CEP164: variants seen among roughly 807,000 people sequenced by gnomAD.
CEP164 encodes centrosomal protein of 164 kDa.
CEP164 carries 162 observed loss-of-function variants against 182.7 expected under a neutral mutation model. That is an observed-to-expected ratio of 0.89 (90% confidence interval 0.78 to 1.01). The LOEUF (loss-of-function observed/expected upper bound fraction) is 1.01. Ranked by LOEUF, CEP164 falls within the 50% of genes least tolerant of loss-of-function variation. CEP164 has a pLI of 0.00. For synonymous variants in CEP164, 661 were observed against 690.0 expected, an observed-to-expected ratio of 0.96 and a Z score of 0.66; for missense variants, 1,735 against 1,790.4, an observed-to-expected ratio of 0.97 and a Z score of 0.56.
intron 27 of CEP164, among the ~76,000 whole-genome samples, chr11:117,403,168 A>C (rs542808777): frequency 6.6e-6 from 1 of 152,340 alleles, no homozygotes; most frequent in Admixed American, 6.5e-5. Flanking sequence ...GCCTGTTTAC[A>C]TTCAAGGCTA....
In CEP164 at chr11:117,358,540, C is replaced by CTTTTT. The variant is rs71961009; in HGVS notation, c.394-3281_394-3277dup. Among the ~76,000 whole-genome samples the CTTTTT allele has an allele frequency of 1.0e-4, 13 of 129,128 alleles. No individual in the cohort carries two copies. The East Asian group carries it at 2.0e-3, about 20-fold the overall frequency. The allele number at this position is 129,128 out of a possible 152,430, so 84.7% of individuals were successfully genotyped here. On this transcript the variant is annotated intron_variant, in intron 5 of 32. Transcript: ENST00000278935. ...TCTTGGGCTCTTCCCCTCCCCCGGCCTTTTTTTTTTTTTTTTTTAAGAGAC... is the reference window on the plus strand; with the variant it reads ...TCTTGGGCTCTTCCCCTCCCCCGGCCTTTTTTTTTTTTTTTTTTTTTTTAAGAGAC...
intron 4 of CEP164, among the ~76,000 whole-genome samples, chr11:117,346,986 A>T (rs1199301392): frequency 6.6e-6 from 1 of 152,106 alleles, no homozygotes; most frequent in African/African-American, 2.4e-5. Context: ...AATTCTCTCT[A>T]GACTCTTTTA....
intron 5 of CEP164, among the ~76,000 whole-genome samples, chr11:117,352,425 G>A (rs2039759193): frequency 6.6e-6 from 1 of 152,092 alleles, no homozygotes; most frequent in African/African-American, 2.4e-5. Context: ...TCTTAAAGTG[G>A]TGTGAATTCC....
intron 17 of CEP164, 78 bp downstream of exon 17, chr11:117,391,293 A>C: frequency 7.2e-7 from 1 of 1,398,408 alleles, no homozygotes; most frequent in Non-Finnish European, 9.8e-7. Flanking sequence ...CACAAGGAGA[A>C]GAAGGGCAAG....
In CEP164 at chr11:117,409,794, AC is replaced by A; in HGVS notation, c.3930del (p.Thr1311ProfsTer102). On this transcript the variant is annotated frameshift_variant, in exon 30 of 33. Coordinates refer to ENST00000278935, the MANE Select transcript of CEP164 (RefSeq NM_014956.5). LOFTEE classifies it high-confidence loss of function. This position sits in a 1 kb window ranked among gnomAD's most constrained non-coding sequence, Gnocchi z 4.4. Reference sequence around the variant, plus strand: ...GCTCCCTCCCCGGGACCCTAAGAGCACCCCCACCCCCACCTACTATGGCTCC... The same window carrying A: ...GCTCCCTCCCCGGGACCCTAAGAGCACCCCACCCCCACCTACTATGGCTCC... ...AQLPPRDPKS[T>X]PTPTYYGSLA... The A allele has an allele frequency of 1.9e-6, 3 of 1,599,300 alleles. No homozygotes were observed. The highest frequency in any genetic ancestry group is 2.2e-5 in the South Asian group (2 of 90,506).
In CEP164 at chr11:117,409,561, A is replaced by C. The variant is rs1483876830; in HGVS notation, c.3749-57A>C. 1 of 1,479,440 alleles carries C rather than the reference A, an allele frequency of 6.8e-7. No homozygotes were observed. Among genetic ancestry groups the C allele is most frequent in the Non-Finnish European group, 9.2e-7 (1 of 1,085,740 alleles). The allele number at this position is 1,479,440 out of a possible 1,614,324, so 91.6% of individuals were successfully genotyped here. On this transcript the variant is annotated intron_variant, in intron 29 of 32. Coordinates refer to ENST00000278935, the MANE Select transcript of CEP164 (RefSeq NM_014956.5). The surrounding 1 kb of genome is among the most constrained non-coding windows in gnomAD (Gnocchi z 4.4). ...GTCCTCCATGACAGCTGTGTCTGGG[A>C]ATGGTCCAGGGTCCTGAGCTTGAGT...
intron 3 of CEP164, among the ~76,000 whole-genome samples, chr11:117,340,140 C>CT (rs559541261): frequency 5.9e-5 from 9 of 152,206 alleles, no homozygotes; most frequent in Non-Finnish European, 8.8e-5. Context: ...AATCTCCTGC[C>CT]TTAGCCTCCC....
intron 1 of CEP164, among the ~76,000 whole-genome samples, chr11:117,322,109 C>T (rs754756086): frequency 2.3e-4 from 35 of 151,996 alleles, no homozygotes; most frequent in Non-Finnish European, 2.8e-4. Context: ...AGCATGACCA[C>T]CACTTTATTT....
chr11:117,380,312 TTC>T (rs1055416905), intron 11 of CEP164, among the ~76,000 whole-genome samples: 51 of 152,236 alleles, frequency 3.4e-4, no homozygotes, highest in African/African-American at 1.1e-3. Context: ...AGGCAGGATT[TTC>T]TTTTTCTTGT....
rs549127083 is a variant in CEP164, at chr11:117,395,786, G to T, written c.3089+64G>T. 4.6e-6 allele frequency: 7 copies of T among 1,533,766 alleles called. No homozygotes were observed. The East Asian group carries it at 1.6e-4, about 35-fold the overall frequency. ...TCCTGCCTGCCCTCTGACCTCTGCTGCTTGTGTCATGGCCCAGTTAATAGG... is the reference window on the plus strand; with the variant it reads ...TCCTGCCTGCCCTCTGACCTCTGCTTCTTGTGTCATGGCCCAGTTAATAGG... On this transcript the variant is annotated intron_variant, in intron 24 of 32. Coordinates refer to ENST00000278935, the MANE Select transcript of CEP164 (RefSeq NM_014956.5).
At chr11:117,367,329 A>G (rs2041754564) in intron 8 of CEP164, among the ~76,000 whole-genome samples, 1 of 152,244 alleles carries the variant, frequency 6.6e-6, no homozygotes, top group Non-Finnish European at 1.5e-5. Context: ...GCAGTTAGTC[A>G]ACATGGTGCA....
chr11:117,362,572 C>T (rs749162955), intron 7 of CEP164, 34 bp downstream of exon 7: 2 of 1,579,028 alleles, frequency 1.3e-6, no homozygotes, highest in African/African-American at 2.7e-5. Context: ...GCCTGGAAAC[C>T]CTCTGTGCCA....
chr11:117,336,193 G>A, intron 2 of CEP164: 1 of 1,588,278 alleles, frequency 6.3e-7, no homozygotes, highest in South Asian at 1.1e-5. Context: ...AGGGTCCAGG[G>A]CCTGTATTCA....
At chr11:117,396,948 C>T (rs1282937261) in intron 26 of CEP164, 143 bp from the exon 27 acceptor site, 3 of 732,554 alleles carry the variant, frequency 4.1e-6, no homozygotes, top group African/African-American at 1.8e-5. Context: ...TGAACAGTGG[C>T]ATCCCTGCAC....
chr11:117,338,744 T>A (rs1263051060), intron 3 of CEP164, 76 bp downstream of exon 3: 5 of 1,164,464 alleles, frequency 4.3e-6, no homozygotes, highest in Non-Finnish European at 6.5e-6. Context: ...TTTATTTTTA[T>A]TCTTTCAGTG....
intron 15 of CEP164, among the ~76,000 whole-genome samples, chr11:117,388,253 C>G (rs1045647896): frequency 1.3e-5 from 2 of 152,226 alleles, no homozygotes; most frequent in African/African-American, 4.8e-5. Flanking sequence ...CCCGAGGCCC[C>G]TGACTCCAGA....
intron 5 of CEP164, among the ~76,000 whole-genome samples, chr11:117,360,077 A>G (rs1356693013): frequency 2.0e-5 from 3 of 152,146 alleles, no homozygotes; most frequent in Non-Finnish European, 4.4e-5. Context: ...CTTCCTCATC[A>G]GTGGAGAGGG....
At chr11:117,346,128 C>T (rs1430566275) in intron 4 of CEP164, among the ~76,000 whole-genome samples, 1 of 152,162 alleles carries the variant, frequency 6.6e-6, no homozygotes, top group Non-Finnish European at 1.5e-5. Context: ...CTTCTGTTTC[C>T]AGTACCTAGC....
At chr11:117,363,716 A>G (rs781011398) in intron 8 of CEP164, among the ~76,000 whole-genome samples, 4 of 149,296 alleles carry the variant, frequency 2.7e-5, no homozygotes, top group Non-Finnish European at 5.9e-5. Context: ...ACAAACAAAC[A>G]TCAACACTCA....
Sources: allele counts gnomAD v4.1 joint callset (sites outside exome capture counted in the v4.1 genomes callset), GRCh38; gene constraint gnomAD v4.1.1; non-coding constraint Gnocchi (gnomAD v3.1); transcripts MANE v1.5; gene names NCBI Gene and HGNC (gene_info 2026-07-23, HGNC 2026-07-21).